Variants in GALNS observed in about 807,000 individuals in gnomAD.
GALNS encodes N-acetylgalactosamine-6-sulfatase.
GALNS carries 65 observed loss-of-function variants against 65.9 expected under a neutral mutation model. That is an observed-to-expected ratio of 0.99 (90% CI 0.81 to 1.21). The LOEUF is 1.21. Ranked by LOEUF, GALNS falls within the 50% of genes most tolerant of loss-of-function variation. The pLI, the probability that GALNS is intolerant of heterozygous loss-of-function variation, is 0.00. For synonymous variants in GALNS, 346 were observed against 288.9 expected, an observed-to-expected ratio of 1.20 and a Z score of -2.00; for missense variants, 776 against 700.7, an observed-to-expected ratio of 1.11 and a Z score of -1.21.
chr16:88,839,507 C>T (rs1423804584), intron 4 of GALNS, among the ~76,000 whole-genome samples: 2 of 152,270 alleles, frequency 1.3e-5, no homozygotes, highest in African/African-American at 4.8e-5. Context: ...AGTCCCTGCC[C>T]TGCACACCCG....
At position 88,826,845 on chromosome 16, in the gene GALNS, C is replaced by A; in HGVS notation, c.1003-7G>T. On this transcript the variant is annotated splice_polypyrimidine_tract_variant and splice_region_variant and intron_variant, in intron 9 of 13. Coordinates refer to ENST00000268695, the MANE Select transcript of GALNS (RefSeq NM_000512.5). Reference sequence around the variant, plus strand: ...TGCCCAGCTGGTGGCTCACCTGAAACACATGGCAGCAACACGGTCAGGGCA... The same window carrying A: ...TGCCCAGCTGGTGGCTCACCTGAAAAACATGGCAGCAACACGGTCAGGGCA... 3 of 1,569,978 alleles carry A rather than the reference C, an allele frequency of 1.9e-6. No individual in the cohort carries two copies. The highest frequency in any genetic ancestry group is 2.6e-6 in the Non-Finnish European group (3 of 1,158,328).
At chr16:88,817,952 G>A in intron 13 of GALNS, 55 bp downstream of exon 13, 2 of 1,412,050 alleles carry the variant, frequency 1.4e-6, no homozygotes, top group Non-Finnish European at 1.9e-6. Context: ...CTGGGCCCCG[G>A]GTGGGTGGCT....
chr16:88,836,109 C>A (rs1912111724), intron 6 of GALNS, 92 bp downstream of exon 6: 1 of 1,242,154 alleles, frequency 8.1e-7, no homozygotes. Flanking sequence ...GAGGTTGATG[C>A]ATTCCTGTCC....
At chr16:88,815,630 G>GT in intron 13 of GALNS, 2 of 985,492 alleles carry the variant, frequency 2.0e-6, no homozygotes, top group South Asian at 9.4e-5. Context: ...GGCCACTTCT[G>GT]TGCCACGTCA....
In GALNS at chr16:88,837,773, C is replaced by T. The variant is rs111613055; in HGVS notation, c.423-8G>A. ...GGCCTGTGACCCAGATGCCTGGAAA[C>T]AGGAACCCAGGACACTTCAGGGACC... On this transcript the variant is annotated splice_region_variant and splice_polypyrimidine_tract_variant and intron_variant, in intron 4 of 13. Transcript: ENST00000268695. 19 of 1,613,744 alleles carry T rather than the reference C, an allele frequency of 1.2e-5. No homozygotes were observed. The African/African-American group carries it at 1.5e-4, about 12-fold the overall frequency.
intron 8 of GALNS, among the ~76,000 whole-genome samples, chr16:88,834,467 C>T (rs55768462): frequency 2.1e-5 from 2 of 94,146 alleles, no homozygotes; most frequent in Admixed American, 1.1e-4. Flanking sequence ...GGGCCCCCCC[C>T]GTGTGGTCTG....
chr16:88,848,349 G>A (rs1254136539), intron 1 of GALNS, among the ~76,000 whole-genome samples: 2 of 152,184 alleles, frequency 1.3e-5, no homozygotes, highest in Admixed American at 1.3e-4. Flanking sequence ...AAGAATGAAA[G>A]GCCGGGCGCG....
intron 1 of GALNS, among the ~76,000 whole-genome samples, chr16:88,849,469 T>C (rs1967407054): frequency 6.6e-6 from 1 of 152,066 alleles, no homozygotes; most frequent in Admixed American, 6.6e-5. Context: ...ATTTTTTTTA[T>C]AGAGATGGGG....
rs114741148 is a variant in GALNS, at chr16:88,831,890, G to C, written c.1002+108C>G. The C allele has an allele frequency of 3.7e-3, 3,400 of 907,126 alleles. 64 individuals are homozygous for C. The African/African-American group carries it at 0.048, about 13-fold the overall frequency. The allele number at this position is 907,126 out of a possible 1,614,324, so 56.2% of individuals were successfully genotyped here. On this transcript the variant is annotated intron_variant, in intron 9 of 13. Transcript: ENST00000268695. Reference sequence around the variant, plus strand: ...GGGTGCGTGGGGAGGAGAGCGGTGAGGATGAGCACGGGGTGCATGGGGGAG... The same window carrying C: ...GGGTGCGTGGGGAGGAGAGCGGTGACGATGAGCACGGGGTGCATGGGGGAG...
chr16:88,843,381 G>C (rs905714724), intron 1 of GALNS: 23 of 432,010 alleles, frequency 5.3e-5, no homozygotes, highest in African/African-American at 4.8e-4. Context: ...GCCTGCATAC[G>C]AGCGTCCAGG....
chr16:88,850,923 G>C (rs956728098), intron 1 of GALNS, among the ~76,000 whole-genome samples: 1 of 152,202 alleles, frequency 6.6e-6, no homozygotes, highest in Non-Finnish European at 1.5e-5. Flanking sequence ...TCCTATCAGC[G>C]AACAGCGGGG....
intron 9 of GALNS, chr16:88,827,250 G>C (rs776548080): frequency 1.6e-5 from 4 of 252,630 alleles, no homozygotes; most frequent in Admixed American, 4.9e-5. Context: ...GATGTGGAGG[G>C]GCAGCTGAGG....
rs2143002411 is a variant in GALNS, at chr16:88,837,700, G to T, written c.488C>A (p.Pro163His). ...GTCATAAGGTCCAAAGTGGCAGTTG[G>T]GGGATCCAAACCACTCATCAAATCC... is the stretch of plus-strand genomic sequence containing the variant. The part of the protein sequence containing the change: ...KHGFDEWFGS[P>H]NCHFGPYDNK... Residue 163 changes from proline (P) to histidine (H), a missense_variant, in exon 5 of 14, where the codon CCC becomes CAC. By Grantham distance (77) the Pro-to-His change is moderately conservative (BLOSUM62 -2). Coordinates refer to ENST00000268695, the MANE Select transcript of GALNS (RefSeq NM_000512.5). 5.6e-6 allele frequency: 9 copies of T among 1,614,082 alleles called. No individual in the cohort carries two copies. Among genetic ancestry groups the T allele is most frequent in the Non-Finnish European group, 7.6e-6 (9 of 1,180,002 alleles).
intron 9 of GALNS, among the ~76,000 whole-genome samples, chr16:88,828,787 G>C (rs1166266937): frequency 6.6e-6 from 1 of 152,224 alleles, no homozygotes; most frequent in Non-Finnish European, 1.5e-5. Flanking sequence ...ACTACGCATG[G>C]AGCCGGGCGG....
At chr16:88,853,980 T>C (rs976913279) in intron 1 of GALNS, among the ~76,000 whole-genome samples, 1 of 152,078 alleles carries the variant, frequency 6.6e-6, no homozygotes, top group South Asian at 2.1e-4. Flanking sequence ...CCATGAGGGG[T>C]GCAATAAGCT....
At chr16:88,849,948 G>C (rs1029811185) in intron 1 of GALNS, among the ~76,000 whole-genome samples, 1 of 152,226 alleles carries the variant, frequency 6.6e-6, no homozygotes, top group Admixed American at 6.5e-5. Flanking sequence ...GTCAGGGTGA[G>C]GTGCATCCCA....
rs1910630411 is a variant in GALNS, at chr16:88,824,757, A to G, written c.1242+10T>C. On this transcript the variant is annotated intron_variant, in intron 11 of 13. Transcript: ENST00000268695. ...CAGCTCCGCCTGCGCCCACGTCCCG[A>G]GCCCTGTACCTGTCTGAAGTTCTCC... is the stretch of plus-strand genomic sequence containing the variant. 6.2e-7 allele frequency: 1 copy of G among 1,611,826 alleles called. No individual in the cohort carries two copies. The highest frequency in any genetic ancestry group is 1.3e-5 in the African/African-American group (1 of 75,000).
At chr16:88,818,452 G>A (rs1376600572) in intron 12 of GALNS, among the ~76,000 whole-genome samples, 1 of 152,198 alleles carries the variant, frequency 6.6e-6, no homozygotes, top group Non-Finnish European at 1.5e-5. Context: ...TGGGGCCTGT[G>A]GGTCTCCCCA....
chr16:88,815,139 C>G (rs562691214), intron 13 of GALNS: 2 of 985,362 alleles, frequency 2.0e-6, no homozygotes, highest in Non-Finnish European at 2.4e-6. Flanking sequence ...ACAGACGCTC[C>G]CCAGGAATCA....
Sources: allele counts gnomAD v4.1 joint callset (sites outside exome capture counted in the v4.1 genomes callset), GRCh38; gene constraint gnomAD v4.1.1; transcripts MANE v1.5; gene names NCBI Gene and HGNC (gene_info 2026-07-23, HGNC 2026-07-21).